The following DPY19L1 variants were observed in gnomAD, a reference collection of about 807,000 sequenced individuals.
The protein encoded by DPY19L1 is protein C-mannosyl-transferase DPY19L1.
A neutral mutation model predicts 96.9 loss-of-function variants in DPY19L1; 35 were observed. The observed-to-expected ratio is 0.36, with a 90% CI of 0.28 to 0.48. The LOEUF is 0.48. DPY19L1 is among the 20% of genes least tolerant of loss of function. The probability of loss-of-function intolerance (pLI) is 0.99; values close to 1 mark genes in which losing one functional copy is unlikely to be tolerated. For synonymous variants in DPY19L1, 205 were observed against 252.6 expected (o/e 0.81, Z 1.79); for missense variants, 521 against 777.9 (o/e 0.67, Z 3.93).
At chr7:34,947,199 A>C (rs1029317618) in intron 15 of DPY19L1, among the ~76,000 whole-genome samples, 17 of 152,364 alleles carry the variant, frequency 1.1e-4, no homozygotes, top group African/African-American at 4.1e-4. Flanking sequence ...GTTCATCAAC[A>C]CATTGCAAAT....
At chr7:34,987,565 G>A (rs1178353702) in intron 7 of DPY19L1, among the ~76,000 whole-genome samples, 1 of 152,028 alleles carries the variant, frequency 6.6e-6, no homozygotes, top group Non-Finnish European at 1.5e-5. Context: ...TTAAATGCAA[G>A]TAACAATTGA....
chr7:35,006,687 C>A (rs1785565161), intron 6 of DPY19L1, among the ~76,000 whole-genome samples: 1 of 152,120 alleles, frequency 6.6e-6, no homozygotes, highest in Non-Finnish European at 1.5e-5. Context: ...AAGAATTATA[C>A]CATGAGTAGG....
intron 18 of DPY19L1, 46 bp from the exon 19 acceptor site, chr7:34,940,373 T>G (rs747290202): frequency 1.3e-6 from 2 of 1,520,104 alleles, no homozygotes; most frequent in African/African-American, 2.8e-5. Flanking sequence ...GTATAAGTAG[T>G]ATGCATCTGT....
chr7:34,989,716 C>T (rs1448782749), intron 7 of DPY19L1, among the ~76,000 whole-genome samples, 168 bp downstream of exon 7: 2 of 151,222 alleles, frequency 1.3e-5, no homozygotes, highest in Non-Finnish European at 2.9e-5. Context: ...CCTTATATCA[C>T]ATAAGAAGTA....
chr7:34,951,683 A>C (rs1784269654), intron 13 of DPY19L1, among the ~76,000 whole-genome samples: 1 of 151,982 alleles, frequency 6.6e-6, no homozygotes, highest in African/African-American at 2.4e-5. Context: ...AAGAATGAGG[A>C]CAGGAATTGG....
intron 6 of DPY19L1, among the ~76,000 whole-genome samples, chr7:35,009,033 G>C (rs1483287752): frequency 1.3e-5 from 2 of 152,048 alleles, no homozygotes; most frequent in African/African-American, 4.8e-5. Context: ...TTTTATTTTA[G>C]TCTCCCCAAT....
intron 6 of DPY19L1, among the ~76,000 whole-genome samples, chr7:34,999,479 C>T (rs1785372151): frequency 6.6e-6 from 1 of 152,290 alleles, no homozygotes; most frequent in South Asian, 2.1e-4. Flanking sequence ...AAGGATGAAA[C>T]AGACCAGAAA....
intron 7 of DPY19L1, among the ~76,000 whole-genome samples, chr7:34,988,471 T>C (rs1016226943): frequency 2.0e-5 from 3 of 151,974 alleles, no homozygotes; most frequent in Non-Finnish European, 1.5e-5. Flanking sequence ...AATTAACTGA[T>C]GTCATGTTGC....
chr7:34,996,857 A>G (rs1562820832), intron 6 of DPY19L1, among the ~76,000 whole-genome samples: 1 of 152,128 alleles, frequency 6.6e-6, no homozygotes, highest in Non-Finnish European at 1.5e-5. Flanking sequence ...CAGTTCCTCA[A>G]ATGATAAGAC....
chr7:34,986,237 T>C (rs1281083431), intron 7 of DPY19L1, among the ~76,000 whole-genome samples: 1 of 152,034 alleles, frequency 6.6e-6, no homozygotes, highest in Non-Finnish European at 1.5e-5. Context: ...TGATCTATTG[T>C]TCCACTTGGT....
chr7:35,012,148 G>A (rs1038087614), intron 4 of DPY19L1, among the ~76,000 whole-genome samples: 40 of 152,262 alleles, frequency 2.6e-4, no homozygotes, highest in East Asian at 1.7e-3. Flanking sequence ...CCCTACCCAC[G>A]GGCAATCTGC....
intron 7 of DPY19L1, among the ~76,000 whole-genome samples, chr7:34,979,034 C>T (rs1784885964): frequency 6.6e-6 from 1 of 152,074 alleles, no homozygotes; most frequent in African/African-American, 2.4e-5. Flanking sequence ...TTAAACTGTA[C>T]TATCTTTATA....
At chr7:34,964,512 G>C (rs1356763256) in intron 10 of DPY19L1, among the ~76,000 whole-genome samples, 1 of 152,148 alleles carries the variant, frequency 6.6e-6, no homozygotes, top group Non-Finnish European at 1.5e-5. Flanking sequence ...TGACAGCAAA[G>C]TGAATCCAGC....
At chr7:35,034,714 C>T (rs1786344066) in intron 1 of DPY19L1, among the ~76,000 whole-genome samples, 2 of 152,184 alleles carry the variant, frequency 1.3e-5, no homozygotes, top group Non-Finnish European at 2.9e-5. Context: ...GTTTCTATCA[C>T]GGAGCTTTAA....
chr7:35,006,958 T>C (rs1236338510), intron 6 of DPY19L1, among the ~76,000 whole-genome samples: 2 of 152,204 alleles, frequency 1.3e-5, no homozygotes, highest in Non-Finnish European at 2.9e-5. Flanking sequence ...CATAATACAA[T>C]TTATTTTTTT....
At chr7:34,951,119 C>T (rs1784258956) in intron 13 of DPY19L1, among the ~76,000 whole-genome samples, 1 of 152,014 alleles carries the variant, frequency 6.6e-6, no homozygotes, top group Non-Finnish European at 1.5e-5. Context: ...CAAGATTATA[C>T]ATATTGCCAA....
intron 21 of DPY19L1, among the ~76,000 whole-genome samples, chr7:34,936,939 G>A (rs1490566925): frequency 6.6e-6 from 1 of 152,136 alleles, no homozygotes; most frequent in African/African-American, 2.4e-5. Context: ...GCAATCTCTT[G>A]AACGCTTTTG....
intron 6 of DPY19L1, among the ~76,000 whole-genome samples, chr7:34,994,015 G>A (rs1174065120): frequency 6.6e-6 from 1 of 152,160 alleles, no homozygotes; most frequent in African/African-American, 2.4e-5. Flanking sequence ...ACAATAAGCT[G>A]AGATTGCGCC....
Position 35,011,433 on chromosome 7 carries a change from C to A in DPY19L1, c.567G>T (p.Trp189Cys). 1.9e-6 allele frequency: 3 copies of A among 1,603,158 alleles called. No individual in the cohort carries two copies. Among genetic ancestry groups the A allele is most frequent in the Non-Finnish European group, 1.7e-6 (2 of 1,177,244 alleles). Residue 189 changes from tryptophan to cysteine, a missense_variant, in exon 5 of 22, where the codon TGG becomes TGT. Coordinates refer to ENST00000638088, the MANE Select transcript of DPY19L1 (RefSeq NM_001366673.1). Reference sequence around the variant, plus strand: ...CCATTATTTTGGTATAAATCCGGTACCAACTGGCCAAAATTACCTATTTTA... The same window carrying A: ...CCATTATTTTGGTATAAATCCGGTAACAACTGGCCAAAATTACCTATTTTA... ...NLYPEVILAS[W>C]YRIYTKIMDL...
Sources: allele counts gnomAD v4.1 joint callset (sites outside exome capture counted in the v4.1 genomes callset), GRCh38; gene constraint gnomAD v4.1.1; transcripts MANE v1.5; gene names NCBI Gene and HGNC (gene_info 2026-07-23, HGNC 2026-07-21).